KIAA1217: variants seen among roughly 807,000 people sequenced by gnomAD.
KIAA1217 encodes KIAA1217.
A neutral mutation model predicts 163.9 loss-of-function variants in KIAA1217; 88 were observed. That is an observed-to-expected ratio of 0.54 (90% CI 0.45 to 0.64). KIAA1217 has a LOEUF of 0.64. Among genes scored for constraint, KIAA1217 ranks in the 30% least tolerant of loss-of-function variants. The pLI is 0.00. For missense variants in KIAA1217, 2,372 were observed against 2,475.0 expected (o/e 0.96, Z 0.88); for synonymous variants, 903 against 923.1 (o/e 0.98, Z 0.39).
chr10:24,256,282 G>A (rs1389625025), intron 2 of KIAA1217, among the ~76,000 whole-genome samples: 1 of 152,180 alleles, frequency 6.6e-6, no homozygotes, highest in Non-Finnish European at 1.5e-5. Flanking sequence ...AATCCTTGGA[G>A]TGGAGGCAGC....
intron 2 of KIAA1217, among the ~76,000 whole-genome samples, chr10:24,258,215 T>C (rs1418040005): frequency 6.6e-6 from 1 of 151,862 alleles, no homozygotes. Flanking sequence ...ATATTACAAG[T>C]GTTATATACC....
chr10:23,974,083 G>GAA (rs1845437276), intron 1 of KIAA1217, among the ~76,000 whole-genome samples: 1 of 152,186 alleles, frequency 6.6e-6, no homozygotes, highest in Admixed American at 6.5e-5. Context: ...ACCCCAGACT[G>GAA]AAAAACACAG....
chr10:24,456,012 A>C (rs1356083225), intron 5 of KIAA1217, among the ~76,000 whole-genome samples: 1 of 152,042 alleles, frequency 6.6e-6, no homozygotes, highest in Non-Finnish European at 1.5e-5. Context: ...TAGTCCCCCA[A>C]GTTGCTGGGA....
chr10:24,085,099 A>G (rs2061655554), intron 2 of KIAA1217, among the ~76,000 whole-genome samples: 1 of 151,910 alleles, frequency 6.6e-6, no homozygotes, highest in Admixed American at 6.6e-5. Flanking sequence ...TATTTTTAGT[A>G]GAGACGGCGT....
chr10:24,405,834 G>GC (rs1232574366), intron 3 of KIAA1217, among the ~76,000 whole-genome samples: 1 of 152,144 alleles, frequency 6.6e-6, no homozygotes, highest in Admixed American at 6.5e-5. Flanking sequence ...TATCTCCTAA[G>GC]CATATGTGCT....
intron 2 of KIAA1217, among the ~76,000 whole-genome samples, chr10:24,221,893 T>C (rs1377466819): frequency 6.6e-6 from 1 of 152,090 alleles, no homozygotes; most frequent in East Asian, 1.9e-4. Context: ...AAAAATTAAC[T>C]GGGTGTGGTG....
chr10:23,923,036 C>A (rs906111627), intron 1 of KIAA1217, among the ~76,000 whole-genome samples: 1 of 152,050 alleles, frequency 6.6e-6, no homozygotes, highest in South Asian at 2.1e-4. Flanking sequence ...TTTTGGCACA[C>A]CTGTCACCCA....
chr10:23,905,063 C>CTTTTTTTTTTTT (rs562938938), intron 1 of KIAA1217, among the ~76,000 whole-genome samples: 2 of 99,938 alleles, frequency 2.0e-5, no homozygotes, highest in African/African-American at 3.9e-5. Context: ...TTCTCTTTTC[C>CTTTTTTTTTTTT]TTTTTTTTTT....
intron 1 of KIAA1217, among the ~76,000 whole-genome samples, chr10:23,899,377 A>G (rs937830699): frequency 4.6e-5 from 7 of 152,058 alleles, no homozygotes; most frequent in African/African-American, 1.7e-4. Flanking sequence ...GTGAAATAGT[A>G]TCTCATTGTG....
chr10:24,299,457 G>A (rs1301996059), intron 2 of KIAA1217, among the ~76,000 whole-genome samples: 1 of 152,068 alleles, frequency 6.6e-6, no homozygotes, highest in Non-Finnish European at 1.5e-5. Flanking sequence ...TGTTGCCCAG[G>A]CTCTGATCGT....
At chr10:24,348,721 C>G (rs1157758374) in intron 2 of KIAA1217, among the ~76,000 whole-genome samples, 1 of 152,076 alleles carries the variant, frequency 6.6e-6, no homozygotes, top group East Asian at 1.9e-4. Context: ...AATAAGCAGG[C>G]TAAATTTTCA....
At chr10:24,106,675 G>T (rs552929191) in intron 2 of KIAA1217, among the ~76,000 whole-genome samples, 13 of 152,240 alleles carry the variant, frequency 8.5e-5, no homozygotes, top group Admixed American at 4.6e-4. Flanking sequence ...GAGTATCCCA[G>T]CTTATCCCAC....
chr10:23,838,087 A>G (rs16923958), intron 1 of KIAA1217, among the ~76,000 whole-genome samples: 7,390 of 152,230 alleles, frequency 0.049, 563 homozygotes, highest in African/African-American at 0.16. Flanking sequence ...CATGTCTGCA[A>G]CTAGGACACA....
intron 9 of KIAA1217, among the ~76,000 whole-genome samples, chr10:24,509,458 C>T (rs1182790246): frequency 6.6e-6 from 1 of 152,186 alleles, no homozygotes; most frequent in African/African-American, 2.4e-5. Flanking sequence ...AGAGCCTCTC[C>T]CTCTCCTCCT....
chr10:23,898,664 A>T (rs1416548841), intron 1 of KIAA1217, among the ~76,000 whole-genome samples: 1 of 152,036 alleles, frequency 6.6e-6, no homozygotes, highest in Non-Finnish European at 1.5e-5. Flanking sequence ...TGTTAAATAT[A>T]TTCATATTGT....
intron 9 of KIAA1217, among the ~76,000 whole-genome samples, chr10:24,510,299 T>G (rs1445922631): frequency 1.3e-5 from 2 of 152,206 alleles, no homozygotes; most frequent in Admixed American, 1.3e-4. Flanking sequence ...CCACCAATAA[T>G]TTCTAGCATG....
At chr10:23,704,172 G>GTGTGTGTATGTATA in intron 1 of KIAA1217, among the ~76,000 whole-genome samples, 1 of 39,948 alleles carries the variant, frequency 2.5e-5, no homozygotes, top group African/African-American at 1.3e-4. Context: ...GTGTGTGTGT[G>GTGTGTGTATGTATA]TATATATATA....
intron 15 of KIAA1217, among the ~76,000 whole-genome samples, chr10:24,532,545 G>C (rs2073276681): frequency 6.6e-6 from 1 of 152,222 alleles, no homozygotes; most frequent in South Asian, 2.1e-4. Context: ...TGGACTCACA[G>C]TTCCATGTGG....
At chr10:24,445,848 C>T (rs1216717688) in intron 5 of KIAA1217, among the ~76,000 whole-genome samples, 2 of 152,074 alleles carry the variant, frequency 1.3e-5, no homozygotes, top group African/African-American at 2.4e-5. Context: ...CATACCTGTG[C>T]ATGTGTCTTT....
Sources: gnomAD v4.1 joint callset for allele counts (sites outside exome capture counted in the v4.1 genomes callset) on GRCh38, gnomAD v4.1.1 for gene constraint, MANE v1.5 for transcripts, NCBI Gene and HGNC (gene_info 2026-07-23, HGNC 2026-07-21) for gene names.